PIK3C3: variants seen among roughly 807,000 people sequenced by gnomAD.
The protein encoded by PIK3C3 is phosphatidylinositol 3-kinase catalytic subunit type 3, also known as PI3-kinase type 3.
Under a neutral mutation model 126.1 loss-of-function variants are expected in PIK3C3, and 95 were observed. The ratio of observed to expected loss-of-function variants is 0.75; its 90% CI spans 0.64 to 0.89. The LOEUF (loss-of-function observed/expected upper bound fraction) is 0.89, where lower values mean the gene tolerates loss of function less well. Ranked by LOEUF, PIK3C3 falls within the 40% of genes least tolerant of loss-of-function variation. PIK3C3 has a pLI of 0.00. For missense variants in PIK3C3, 829 were observed against 1,063.2 expected (o/e 0.78, Z 3.06); for synonymous variants, 374 against 360.0 (o/e 1.04, Z -0.44).
chr18:41,982,300 G>A (rs1318568535), intron 4 of PIK3C3, among the ~76,000 whole-genome samples: 1 of 152,078 alleles, frequency 6.6e-6, no homozygotes, highest in Non-Finnish European at 1.5e-5. Flanking sequence ...GTATATAGTA[G>A]TACCAGACAT....
intron 10 of PIK3C3, among the ~76,000 whole-genome samples, chr18:42,006,752 C>G (rs1286558103): frequency 6.6e-6 from 1 of 151,942 alleles, no homozygotes. Context: ...ATTTACTTAA[C>G]CATTGGGCCT....
At chr18:41,981,200 T>G (rs1342579722) in intron 4 of PIK3C3, among the ~76,000 whole-genome samples, 1 of 152,220 alleles carries the variant, frequency 6.6e-6, no homozygotes, top group African/African-American at 2.4e-5. Flanking sequence ...TTAATCACTT[T>G]GGTTTGCTTA....
At chr18:42,061,223 AT>A (rs2144510885) in intron 22 of PIK3C3, among the ~76,000 whole-genome samples, 1 of 152,160 alleles carries the variant, frequency 6.6e-6, no homozygotes, top group East Asian at 1.9e-4. Flanking sequence ...TCTTTGCTAG[AT>A]TTTGCACGCT....
intron 9 of PIK3C3, among the ~76,000 whole-genome samples, chr18:41,999,067 C>CT (rs998483951): frequency 6.6e-6 from 1 of 150,950 alleles, no homozygotes; most frequent in Admixed American, 6.6e-5. Flanking sequence ...TTTCTACCCC[C>CT]TTTTTTTTTC....
chr18:42,054,142 A>ATATCTATATC lies in PIK3C3; in HGVS notation c.2264-3738_2264-3737insCTATATCTAT, dbSNP rs1568002664. Among the ~76,000 whole-genome samples, 6 of 17,238 alleles carry ATATCTATATC rather than the reference A, an allele frequency of 3.5e-4. 1 individual carries two copies. The highest frequency in any genetic ancestry group is 1.9e-3 in the African/African-American group (5 of 2,622). The allele number at this position is 17,238 out of a possible 152,430, so 11.3% of individuals were successfully genotyped here. A position where few individuals can be genotyped will look rare whatever the true frequency, so the allele number is the denominator to read the frequency against. On this transcript the variant is annotated intron_variant, in intron 21 of 24. Transcript: ENST00000262039. ...GAACTAATGGTATATATATATATATATATATATATATATATATATATATAT... is the reference window on the plus strand; with the variant it reads ...GAACTAATGGTATATATATATATATATATCTATATCTATATATATATATATATATATATAT...
intron 2 of PIK3C3, among the ~76,000 whole-genome samples, chr18:41,961,453 A>G (rs1257594957): frequency 6.6e-6 from 1 of 152,212 alleles, no homozygotes; most frequent in Non-Finnish European, 1.5e-5. Context: ...TATTTCATAG[A>G]AGAAAAGGAT....
chr18:42,031,043 AT>A (rs1020182973), intron 15 of PIK3C3, among the ~76,000 whole-genome samples: 2 of 152,194 alleles, frequency 1.3e-5, no homozygotes, highest in Non-Finnish European at 2.9e-5. Flanking sequence ...CTTTATAGGC[AT>A]TTTATCATGA....
At chr18:42,012,363 G>A (rs1198245988) in intron 10 of PIK3C3, among the ~76,000 whole-genome samples, 2 of 152,102 alleles carry the variant, frequency 1.3e-5, no homozygotes, top group African/African-American at 4.8e-5. Context: ...GGAAAGTGTG[G>A]ACCATCAAAT....
rs574283225 is a variant in PIK3C3 at position 42,084,479 on chromosome 18, T to C, written c.*3342T>C. The C allele has an allele frequency of 3.5e-5, 5 of 143,644 alleles. No individual in the cohort carries two copies. The highest frequency in any genetic ancestry group is 1.0e-4 in the African/African-American group (4 of 38,418). 8.9% of individuals were successfully genotyped at this position (143,644 alleles called of 1,614,324 possible). On this transcript the variant is annotated 3_prime_UTR_variant, in exon 25 of 25. Coordinates refer to ENST00000262039, the MANE Select transcript of PIK3C3 (RefSeq NM_002647.4). Reference sequence around the variant, plus strand: ...TTTTGATATATTAATATTTCACTTATAAGAATGCATACCACCTGATCCAGG... The same window carrying C: ...TTTTGATATATTAATATTTCACTTACAAGAATGCATACCACCTGATCCAGG...
chr18:42,062,518 T>G (rs2144513094), intron 22 of PIK3C3, among the ~76,000 whole-genome samples: 1 of 152,240 alleles, frequency 6.6e-6, no homozygotes, highest in East Asian at 1.9e-4. Flanking sequence ...AGACAATTCT[T>G]CTTCCACTGT....
intron 3 of PIK3C3, 112 bp downstream of exon 3, chr18:41,962,744 GT>G (rs752087126): frequency 1.1e-6 from 1 of 881,902 alleles, no homozygotes; most frequent in Non-Finnish European, 1.7e-6. Flanking sequence ...GTGTAAACCA[GT>G]TAGGTACATA....
chr18:42,044,860 T>G (rs1598927309), intron 20 of PIK3C3, among the ~76,000 whole-genome samples: 2 of 152,352 alleles, frequency 1.3e-5, no homozygotes, highest in South Asian at 2.1e-4. Flanking sequence ...TATATTTGTT[T>G]ATGTCCCTAT....
At chr18:41,996,864 C>T (rs925875553) in intron 9 of PIK3C3, 134 bp downstream of exon 9, 3 of 436,074 alleles carry the variant, frequency 6.9e-6, no homozygotes, top group Non-Finnish European at 1.2e-5. Flanking sequence ...ATATGAGACT[C>T]CATTTTTTAA....
chr18:42,027,689 C>G (rs1262809495), intron 14 of PIK3C3, 141 bp downstream of exon 14: 2 of 359,204 alleles, frequency 5.6e-6, no homozygotes, highest in Non-Finnish European at 9.9e-6. Flanking sequence ...GAGGCTTGCT[C>G]TGTTACCCAG....
chr18:42,020,239 A>G (rs1983260066), intron 12 of PIK3C3, among the ~76,000 whole-genome samples: 1 of 152,122 alleles, frequency 6.6e-6, no homozygotes, highest in South Asian at 2.1e-4. Context: ...AGTGTTCACT[A>G]TATTTTATTT....
intron 22 of PIK3C3, among the ~76,000 whole-genome samples, chr18:42,062,012 T>C (rs575037123): frequency 1.2e-4 from 18 of 152,214 alleles, no homozygotes; most frequent in African/African-American, 4.1e-4. Flanking sequence ...CATATTTAAT[T>C]GGTCTGAGAT....
intron 12 of PIK3C3, among the ~76,000 whole-genome samples, chr18:42,019,503 GA>G (rs1263881843): frequency 6.6e-6 from 1 of 152,020 alleles, no homozygotes; most frequent in Non-Finnish European, 1.5e-5. Context: ...CTTTCTTCTT[GA>G]AAAACTAACT....
rs1318981452 is a variant in PIK3C3 at position 42,037,836 on chromosome 18, T to C, written c.1968+16T>C. The stretch of plus-strand genomic sequence containing the variant: ...CATGGACAAGGTGAACATGACCTTA[T>C]GTTGGTGGGGAACATTTTTTTCGTT... On this transcript the variant is annotated intron_variant, in intron 17 of 24. Coordinates refer to ENST00000262039, the MANE Select transcript of PIK3C3 (RefSeq NM_002647.4). 6.3e-7 allele frequency: 1 copy of C among 1,594,100 alleles called. No homozygotes were observed. Among genetic ancestry groups the C allele is most frequent in the Non-Finnish European group, 8.6e-7 (1 of 1,166,606 alleles).
chr18:42,064,453 A>T (rs1182882976), intron 22 of PIK3C3, among the ~76,000 whole-genome samples: 1 of 151,824 alleles, frequency 6.6e-6, no homozygotes, highest in Non-Finnish European at 1.5e-5. Context: ...CCCTTCTAAA[A>T]TATATATATA....
Sources: allele counts gnomAD v4.1 joint callset (sites outside exome capture counted in the v4.1 genomes callset), GRCh38; gene constraint gnomAD v4.1.1; transcripts MANE v1.5; gene names NCBI Gene and HGNC (gene_info 2026-07-23, HGNC 2026-07-21).